The following SHTN1 variants were observed in gnomAD, a reference collection of about 807,000 sequenced individuals.
SHTN1 encodes shootin 1.
SHTN1 carries 42 observed loss-of-function variants against 83.1 expected under a neutral mutation model. The observed-to-expected ratio is 0.51, with a 90% CI of 0.39 to 0.65. The LOEUF is 0.65. SHTN1 is among the 30% of genes least tolerant of loss of function. The probability of loss-of-function intolerance (pLI) is 0.00; values close to 1 mark genes in which losing one functional copy is unlikely to be tolerated. For synonymous variants in SHTN1, 224 were observed against 247.7 expected (o/e 0.90, Z 0.90); for missense variants, 622 against 737.8 (o/e 0.84, Z 1.82).
intron 1 of SHTN1, among the ~76,000 whole-genome samples, chr10:117,096,270 C>G (rs561649705): frequency 6.6e-6 from 1 of 152,318 alleles, no homozygotes; most frequent in African/African-American, 2.4e-5. Flanking sequence ...ACAAACTTTG[C>G]ACAATGGCTC....
intron 1 of SHTN1, among the ~76,000 whole-genome samples, chr10:117,069,556 T>C (rs1394992453): frequency 6.6e-6 from 1 of 152,052 alleles, no homozygotes; most frequent in East Asian, 1.9e-4. Context: ...TTATAACCCT[T>C]CAGGATTCAA....
intron 12 of SHTN1, among the ~76,000 whole-genome samples, chr10:116,919,255 AC>A (rs1848473065): frequency 6.6e-6 from 1 of 152,216 alleles, no homozygotes; most frequent in African/African-American, 2.4e-5. Flanking sequence ...TGACCTATTA[AC>A]AAGACACTAT....
At chr10:117,067,558 G>A (rs1853020162) in intron 1 of SHTN1, among the ~76,000 whole-genome samples, 1 of 152,002 alleles carries the variant, frequency 6.6e-6, no homozygotes, top group Non-Finnish European at 1.5e-5. Context: ...TCGCGCCACT[G>A]TACTCCAGCC....
At chr10:117,088,350 T>C (rs1853380705) in intron 1 of SHTN1, among the ~76,000 whole-genome samples, 1 of 152,194 alleles carries the variant, frequency 6.6e-6, no homozygotes, top group South Asian at 2.1e-4. Flanking sequence ...TTTAGAAATG[T>C]TTTGTTATAA....
chr10:116,916,013 CT>C (rs1848370114), intron 12 of SHTN1, among the ~76,000 whole-genome samples: 1 of 152,160 alleles, frequency 6.6e-6, no homozygotes, highest in Non-Finnish European at 1.5e-5. Context: ...AAACTGCCAT[CT>C]TTTGTTTATG....
chr10:116,887,581 G>T (rs150605627), intron 16 of SHTN1, among the ~76,000 whole-genome samples: 167 of 152,270 alleles, frequency 1.1e-3, no homozygotes, highest in African/African-American at 3.7e-3. Flanking sequence ...CCCTCACCAG[G>T]AGTTGGTTTC....
At chr10:117,001,671 A>G (rs2133539815) in intron 1 of SHTN1, among the ~76,000 whole-genome samples, 1 of 152,342 alleles carries the variant, frequency 6.6e-6, no homozygotes, top group Admixed American at 6.5e-5. Flanking sequence ...ACATTTTGAT[A>G]GCAAAGTAGG....
At chr10:116,966,959 T>C (rs2133454190) in intron 3 of SHTN1, among the ~76,000 whole-genome samples, 1 of 152,326 alleles carries the variant, frequency 6.6e-6, no homozygotes, top group South Asian at 2.1e-4. Context: ...ACAGGTAATA[T>C]CAATAAGATT....
Position 116,960,184 on chromosome 10 carries a change from A to C in SHTN1, c.219T>G (p.Leu73=). ...TTTCTCGACAAGTCTTCTCTATTTCAAGATGGTTCTGCATGAAATTAACTT... is the reference window on the plus strand; with the variant it reads ...TTTCTCGACAAGTCTTCTCTATTTCCAGATGGTTCTGCATGAAATTAACTT... The part of the protein sequence containing the change: ...IEEVNFMQNH[L]EIEKTCRESA... The change falls in exon 4 of 17, where the codon CTT becomes CTG. Residue 73 remains leucine (L), a synonymous_variant. Coordinates refer to ENST00000355371, the MANE Select transcript of SHTN1 (RefSeq NM_001127211.3). 1 of 1,611,954 alleles carries C rather than the reference A, an allele frequency of 6.2e-7. No individual in the cohort carries two copies. Among genetic ancestry groups the C allele is most frequent in the Admixed American group, 1.7e-5 (1 of 60,014 alleles).
chr10:116,973,252 T>C (rs1279342161), intron 2 of SHTN1, among the ~76,000 whole-genome samples: 3 of 152,186 alleles, frequency 2.0e-5, no homozygotes, highest in Non-Finnish European at 2.9e-5. Context: ...ACATTCTAAA[T>C]TGTATCTAAC....
chr10:117,119,674 A>G (rs1201777212), intron 1 of SHTN1, among the ~76,000 whole-genome samples: 1 of 152,182 alleles, frequency 6.6e-6, no homozygotes, highest in Non-Finnish European at 1.5e-5. Flanking sequence ...GAATACACCC[A>G]AAAGAAAAGA....
At position 117,015,314 on chromosome 10, in the gene SHTN1, T is replaced by C. The variant is rs547370848; in HGVS notation, c.-123+33131A>G. ...ATTGTAGTAATTTTTTTTGTTTGTT[T>C]TGGTTTTTTGTTTTTGTTGTTGTTT... On this transcript the variant is annotated intron_variant, in intron 2 of 17. Coordinates refer to the SHTN1 transcript ENST00000392901. 6.7e-4 allele frequency among the ~76,000 whole-genome samples: 102 copies of C among 152,188 alleles called. 1 individual carries two copies. The highest frequency in any genetic ancestry group is 2.5e-3 in the African/African-American group (102 of 41,522).
At chr10:116,968,843 C>T (rs1373269887) in intron 2 of SHTN1, 131 bp from the exon 3 acceptor site, 2 of 657,214 alleles carry the variant, frequency 3.0e-6, no homozygotes, top group African/African-American at 1.8e-5. Flanking sequence ...CTTTGAAAAG[C>T]ATCAATGGTC....
At chr10:117,054,392 C>G (rs1049394782) in intron 1 of SHTN1, among the ~76,000 whole-genome samples, 8 of 151,364 alleles carry the variant, frequency 5.3e-5, no homozygotes, top group Non-Finnish European at 8.8e-5. Context: ...CTGACTCTGA[C>G]ATAGCATCCT....
Position 117,014,911 on chromosome 10 carries a change from C to T in SHTN1, c.-123+33534G>A, listed in dbSNP as rs533762626. Among the ~76,000 whole-genome samples, 7 of 152,274 alleles carry T rather than the reference C, an allele frequency of 4.6e-5. No homozygotes were observed. The South Asian group carries it at 1.5e-3, about 32-fold the overall frequency. On this transcript the variant is annotated intron_variant, in intron 2 of 17. Transcript: ENST00000392901. The stretch of plus-strand genomic sequence containing the variant: ...AACACCTAAAGTTTGTGAACATAGG[C>T]ATCATAAAGGCTACAGCTTTTGAGT...
chr10:116,980,300 T>C (rs998537424), intron 1 of SHTN1, among the ~76,000 whole-genome samples: 1 of 152,172 alleles, frequency 6.6e-6, no homozygotes, highest in Non-Finnish European at 1.5e-5. Flanking sequence ...AGGTTGATTT[T>C]CTTTTTTTAA....
chr10:117,093,438 G>A (rs1034819443), intron 1 of SHTN1, among the ~76,000 whole-genome samples: 2 of 152,066 alleles, frequency 1.3e-5, no homozygotes, highest in East Asian at 1.9e-4. Flanking sequence ...CCAGCTACTC[G>A]GGAGGCCGAG....
At chr10:116,924,847 TC>T (rs1190162936) in intron 11 of SHTN1, among the ~76,000 whole-genome samples, 2 of 139,426 alleles carry the variant, frequency 1.4e-5, no homozygotes, top group African/African-American at 5.3e-5. Context: ...AAGCTCTGCC[TC>T]CCAGGTTCAC....
chr10:117,118,234 G>T (rs547598011), intron 1 of SHTN1, among the ~76,000 whole-genome samples: 1 of 151,980 alleles, frequency 6.6e-6, no homozygotes, highest in South Asian at 2.1e-4. Context: ...AATTAAAAAA[G>T]GGCAAAAGAT....
Sources: allele counts gnomAD v4.1 joint callset (sites outside exome capture counted in the v4.1 genomes callset), GRCh38; gene constraint gnomAD v4.1.1; transcripts MANE v1.5; gene names NCBI Gene and HGNC (gene_info 2026-07-23, HGNC 2026-07-21).